DNAJB6: variants seen among roughly 807,000 people sequenced by gnomAD.
The protein encoded by DNAJB6 is DnaJ heat shock protein family (Hsp40) member B6.
In DNAJB6, 16 loss-of-function variants were observed where a neutral mutation model predicts 42.7. The ratio of observed to expected loss-of-function variants is 0.37; its 90% CI spans 0.25 to 0.57. The LOEUF (loss-of-function observed/expected upper bound fraction) is 0.57. Ranked by LOEUF, DNAJB6 falls within the 20% of genes least tolerant of loss-of-function variation. DNAJB6 has a pLI of 0.74. For missense variants in DNAJB6, 347 were observed against 416.8 expected (o/e 0.83, Z 1.46); for synonymous variants, 170 against 163.5 (o/e 1.04, Z -0.30).
chr7:157,383,856 C>T (rs887053548), intron 6 of DNAJB6, among the ~76,000 whole-genome samples: 4 of 152,008 alleles, frequency 2.6e-5, no homozygotes, highest in Admixed American at 1.3e-4. Context: ...TGTAAAATAC[C>T]GCAAATGATT....
intron 8 of DNAJB6, among the ~76,000 whole-genome samples, chr7:157,408,513 T>C (rs1439040135): frequency 6.6e-6 from 1 of 152,224 alleles, no homozygotes; most frequent in African/African-American, 2.4e-5. Flanking sequence ...TGGAGATGAA[T>C]TTCTGCACTT....
At chr7:157,346,316 T>TAAAAAAAAAAAA (rs60806134) in intron 1 of DNAJB6, among the ~76,000 whole-genome samples, 1 of 117,732 alleles carries the variant, frequency 8.5e-6, no homozygotes, top group Non-Finnish European at 1.7e-5. Context: ...CAAGGAGTAG[T>TAAAAAAAAAAAA]AAAAAAAAAA....
chr7:157,374,458 C>T (rs1299310106), intron 5 of DNAJB6, among the ~76,000 whole-genome samples: 1 of 152,086 alleles, frequency 6.6e-6, no homozygotes, highest in Non-Finnish European at 1.5e-5. Context: ...AGGGTTTCTT[C>T]ATGTTGGTCA....
chr7:157,358,081 A>G (rs555896365), intron 1 of DNAJB6, among the ~76,000 whole-genome samples: 22 of 152,236 alleles, frequency 1.4e-4, no homozygotes, highest in East Asian at 7.7e-4. Flanking sequence ...ATGGCTTTCT[A>G]TTGTTCCCAT....
rs551697321 is a variant in DNAJB6, at chr7:157,406,685, C to T, written c.692-3110C>T. On this transcript the variant is annotated intron_variant, in intron 8 of 9. Coordinates refer to ENST00000262177, the MANE Select transcript of DNAJB6 (RefSeq NM_058246.4). ...AGTCACTCCAGGGCTTCTCTGAGCC[C>T]GCAGCCGGCCAGCTCAGCGGCCCGG... Among the ~76,000 whole-genome samples the T allele has an allele frequency of 2.0e-4, 31 of 152,344 alleles. 1 individual carries two copies. Among genetic ancestry groups the T allele is most frequent in the East Asian group, 1.2e-3 (6 of 5,186 alleles).
chr7:157,354,495 T>C (rs1799171831), intron 1 of DNAJB6, among the ~76,000 whole-genome samples: 1 of 152,148 alleles, frequency 6.6e-6, no homozygotes, highest in Non-Finnish European at 1.5e-5. Context: ...TTTTCATTTT[T>C]TTGGAGACAG....
intron 5 of DNAJB6, chr7:157,381,253 C>T (rs893161941): frequency 6.6e-6 from 1 of 152,130 alleles, no homozygotes; most frequent in Non-Finnish European, 1.5e-5. Flanking sequence ...TTGCTCTGGC[C>T]TGCAAGTAGG....
At chr7:157,343,508 G>A (rs1798525891) in intron 1 of DNAJB6, among the ~76,000 whole-genome samples, 2 of 151,656 alleles carry the variant, frequency 1.3e-5, no homozygotes, top group Admixed American at 1.3e-4. Flanking sequence ...TTGCTCTGTT[G>A]CCCCGGCTGG....
intron 1 of DNAJB6, among the ~76,000 whole-genome samples, chr7:157,350,901 G>A (rs1798937015): frequency 6.6e-6 from 1 of 150,942 alleles, no homozygotes; most frequent in Admixed American, 6.6e-5. Context: ...GGTAGCATAT[G>A]CCAGACATTA....
At position 157,357,211 on chromosome 7, in the gene DNAJB6, TGTCCTTCCTTCC is replaced by T. The variant is rs1426215313; in HGVS notation, c.-26-1335_-26-1324del. ...TGTCTTTGTGGCTTTGTGATACTGT[TGTCCTTCCTTCC>T]TTCCTTCCTTCCTTCCTTCCTTCCT... On this transcript the variant is annotated intron_variant, in intron 1 of 9. Coordinates refer to ENST00000262177, the MANE Select transcript of DNAJB6 (RefSeq NM_058246.4). Among the ~76,000 whole-genome samples the T allele has an allele frequency of 5.3e-5, 4 of 75,412 alleles. 1 individual carries two copies. The highest frequency in any genetic ancestry group is 8.5e-5 in the Non-Finnish European group (3 of 35,434). 49.5% of individuals were successfully genotyped at this position (75,412 alleles called of 152,430 possible). A position where few individuals can be genotyped will look rare whatever the true frequency, so the allele number is the denominator to read the frequency against.
intron 5 of DNAJB6, among the ~76,000 whole-genome samples, chr7:157,376,197 T>A (rs191955870): frequency 6.6e-6 from 1 of 152,340 alleles, no homozygotes; most frequent in African/African-American, 2.4e-5. Context: ...TCAGTGTTCT[T>A]CAAGTTTGTA....
rs747600463 is a variant in DNAJB6, at chr7:157,382,280, G to T, written c.381G>T (p.Arg127Ser). 3.1e-6 allele frequency: 5 copies of T among 1,608,930 alleles called. No individual in the cohort carries two copies. In the Admixed American group the frequency reaches 8.5e-5, roughly 27 times the overall value. ...DPFEDFFGNR[R>S]GPRGSRSRGT... ...TTGAGGACTTCTTTGGGAATCGAAG[G>T]GGTCCCCGAGGAAGCAGAAGCCGAG... is the stretch of plus-strand genomic sequence containing the variant. Residue 127 changes from arginine to serine, a missense_variant, in exon 6 of 10, where the codon AGG becomes AGT. Coordinates refer to ENST00000262177, the MANE Select transcript of DNAJB6 (RefSeq NM_058246.4).
chr7:157,346,832 T>C (rs1485938909), intron 1 of DNAJB6, among the ~76,000 whole-genome samples: 1 of 152,222 alleles, frequency 6.6e-6, no homozygotes, highest in Admixed American at 6.5e-5. Context: ...TGGATTTCTC[T>C]TTCTAGACCT....
intron 4 of DNAJB6, among the ~76,000 whole-genome samples, chr7:157,367,024 C>T (rs546667278): frequency 6.6e-6 from 1 of 152,264 alleles, no homozygotes; most frequent in Admixed American, 6.5e-5. Flanking sequence ...TTCTGTGGCT[C>T]CAGGAGGCCA....
At chr7:157,347,204 T>G (rs981068934) in intron 1 of DNAJB6, among the ~76,000 whole-genome samples, 1 of 152,238 alleles carries the variant, frequency 6.6e-6, no homozygotes, top group South Asian at 2.1e-4. Flanking sequence ...ATTTAATTTA[T>G]ATTCTAAATT....
At chr7:157,376,598 T>C in intron 5 of DNAJB6, among the ~76,000 whole-genome samples, 1 of 152,118 alleles carries the variant, frequency 6.6e-6, no homozygotes, top group East Asian at 1.9e-4. Context: ...TAGGGAGGCA[T>C]GAGACATCAA....
rs1256447225 is a variant in DNAJB6, at chr7:157,363,253, A to G, written c.158A>G (p.Tyr53Cys). ...ERKFKQVAEA[Y>C]EVLSDAKKRD... ...AAATTCAAGCAAGTAGCGGAGGCAT[A>G]TGAAGTGCTGTCGGATGGTGAGTGA... Residue 53 changes from tyrosine to cysteine, a missense_variant, in exon 3 of 10, where the codon TAT becomes TGT. Tyr to Cys is a radical substitution (Grantham distance 194). Coordinates refer to ENST00000262177, the MANE Select transcript of DNAJB6 (RefSeq NM_058246.4). The G allele has an allele frequency of 1.9e-6, 3 of 1,609,896 alleles. No homozygotes were observed. Among genetic ancestry groups the G allele is most frequent in the Non-Finnish European group, 2.5e-6 (3 of 1,177,932 alleles).
At chr7:157,406,008 G>T (rs56277126) in intron 8 of DNAJB6, among the ~76,000 whole-genome samples, 3,323 of 152,356 alleles carry the variant, frequency 0.022, 134 homozygotes, top group African/African-American at 0.075. Flanking sequence ...GCAGTGCCGG[G>T]CGTGTAGCCA....
chr7:157,346,943 C>T (rs1360285753), intron 1 of DNAJB6, among the ~76,000 whole-genome samples: 1 of 152,210 alleles, frequency 6.6e-6, no homozygotes, highest in Non-Finnish European at 1.5e-5. Flanking sequence ...GCAAGCTCCA[C>T]CTCTCGGGTT....
Sources: gnomAD v4.1 joint callset for allele counts (sites outside exome capture counted in the v4.1 genomes callset) on GRCh38, gnomAD v4.1.1 for gene constraint, MANE v1.5 for transcripts, NCBI Gene and HGNC (gene_info 2026-07-23, HGNC 2026-07-21) for gene names.